PHF21B: variants seen among roughly 807,000 people sequenced by gnomAD.
PHF21B encodes PHD finger protein 4.
A neutral mutation model predicts 62.2 loss-of-function variants in PHF21B; 22 were observed. The ratio of observed to expected loss-of-function variants is 0.35; its 90% CI spans 0.25 to 0.51. The LOEUF is 0.51. PHF21B is among the 20% of genes least tolerant of loss of function. PHF21B has a pLI of 0.97. For synonymous variants in PHF21B, 341 were observed against 314.7 expected (o/e 1.08, Z -0.88); for missense variants, 701 against 707.9 (o/e 0.99, Z 0.11).
At chr22:44,959,002 C>A (rs1222587840) in intron 2 of PHF21B, among the ~76,000 whole-genome samples, 2 of 152,066 alleles carry the variant, frequency 1.3e-5, no homozygotes, top group East Asian at 1.9e-4. Flanking sequence ...GTTCCATGGC[C>A]GGCCCCGCTG....
chr22:44,884,918 T>C (rs932863023), intron 12 of PHF21B, among the ~76,000 whole-genome samples: 2 of 152,194 alleles, frequency 1.3e-5, no homozygotes, highest in African/African-American at 4.8e-5. Flanking sequence ...ACAACCATCA[T>C]CTTCATTATC....
At chr22:44,953,582 T>A (rs1468182936) in intron 2 of PHF21B, among the ~76,000 whole-genome samples, 3 of 152,206 alleles carry the variant, frequency 2.0e-5, no homozygotes, top group Non-Finnish European at 4.4e-5. Flanking sequence ...TCTGCTAATG[T>A]GTCTCAGTGG....
At chr22:44,920,518 G>C (rs777394023) in intron 2 of PHF21B, 28 bp from the exon 3 acceptor site, 1 of 1,568,562 alleles carries the variant, frequency 6.4e-7, no homozygotes, top group African/African-American at 1.4e-5. Flanking sequence ...GCAACGCTGA[G>C]ACAGGAGGAG....
At chr22:44,895,134 G>A (rs928546177) in intron 6 of PHF21B, among the ~76,000 whole-genome samples, 33 of 152,190 alleles carry the variant, frequency 2.2e-4, no homozygotes, top group Admixed American at 2.2e-3. Context: ...TGGGTGTGGT[G>A]GAATACGTTC....
chr22:44,907,110 C>T (rs2071265168), intron 5 of PHF21B, among the ~76,000 whole-genome samples: 1 of 152,200 alleles, frequency 6.6e-6, no homozygotes, highest in Non-Finnish European at 1.5e-5. Context: ...CAACCTCACC[C>T]TTACTGTGAG....
rs376848423 is a variant in PHF21B at position 44,886,092 on chromosome 22, G to A, written c.1198-154C>T. ...GAGCTGGGGCCGCACATGCCTCATGGCCCAGCTCACAGGGGCTACACAGCT... is the reference window on the plus strand; with the variant it reads ...GAGCTGGGGCCGCACATGCCTCATGACCCAGCTCACAGGGGCTACACAGCT... On this transcript the variant is annotated intron_variant, in intron 10 of 12. Transcript: ENST00000313237. Among the ~76,000 whole-genome samples, 217 of 152,200 alleles carry A rather than the reference G, an allele frequency of 1.4e-3. 2 individuals are homozygous for A. The highest frequency in any genetic ancestry group is 8.3e-3 in the East Asian group (43 of 5,158).
At chr22:44,940,031 G>C (rs973874531) in intron 2 of PHF21B, among the ~76,000 whole-genome samples, 4 of 152,204 alleles carry the variant, frequency 2.6e-5, no homozygotes, top group Non-Finnish European at 5.9e-5. Flanking sequence ...CCAGGGGCCA[G>C]TGGGGTGGGG....
At chr22:44,964,773 G>A (rs1381215054) in intron 2 of PHF21B, among the ~76,000 whole-genome samples, 3 of 152,100 alleles carry the variant, frequency 2.0e-5, no homozygotes, top group Non-Finnish European at 4.4e-5. Flanking sequence ...TCCATCCCCA[G>A]TCTCGGGCCC....
intron 5 of PHF21B, among the ~76,000 whole-genome samples, chr22:44,907,571 T>C (rs1463093179): frequency 2.0e-5 from 3 of 152,198 alleles, no homozygotes; most frequent in Non-Finnish European, 4.4e-5. Context: ...GATAAGCAAG[T>C]GTCCTTAGGG....
At chr22:44,933,734 G>GACAGACAGAC (rs10666558) in intron 2 of PHF21B, among the ~76,000 whole-genome samples, 2 of 148,884 alleles carry the variant, frequency 1.3e-5, no homozygotes, top group Non-Finnish European at 3.0e-5. Flanking sequence ...GAGAGAGAGA[G>GACAGACAGAC]AGACAGACAG....
At position 44,920,332 on chromosome 22, in the gene PHF21B, G is replaced by A. The variant is rs1014068432; in HGVS notation, c.213+66C>T. 8 of 1,356,808 alleles carry A rather than the reference G, an allele frequency of 5.9e-6. 1 individual carries two copies. The African/African-American group carries it at 8.7e-5, about 15-fold the overall frequency. 84.0% of individuals were successfully genotyped at this position (1,356,808 alleles called of 1,614,324 possible). A position where few individuals can be genotyped will look rare whatever the true frequency, so the allele number is the denominator to read the frequency against. The stretch of plus-strand genomic sequence containing the variant: ...CCCACCAGAAACCTCAGTGCTGAGG[G>A]GTTAGGAACAGAGACTGCGGGGACA... On this transcript the variant is annotated intron_variant, in intron 3 of 12. Coordinates refer to ENST00000313237, the MANE Select transcript of PHF21B (RefSeq NM_138415.5).
At chr22:44,920,540 G>A (rs773140332) in intron 2 of PHF21B, 50 bp from the exon 3 acceptor site, 34 of 1,448,346 alleles carry the variant, frequency 2.3e-5, no homozygotes, top group East Asian at 5.1e-5. Context: ...AGCTGAGACC[G>A]AATCCGTTGC....
At chr22:44,958,537 A>G (rs1219962607) in intron 2 of PHF21B, among the ~76,000 whole-genome samples, 5 of 148,242 alleles carry the variant, frequency 3.4e-5, no homozygotes, top group Admixed American at 2.7e-4. Context: ...GTCCCATTCC[A>G]TTAGCGTCCT....
chr22:44,884,440 CCACCACCATCACGGTGATGAGCACCAT>C (rs1327764009), intron 12 of PHF21B, among the ~76,000 whole-genome samples: 1 of 124,492 alleles, frequency 8.0e-6, no homozygotes, highest in Non-Finnish European at 1.7e-5. Context: ...ATTATCACCA[CCACCACCATCACGGTGATGAGCACCAT>C]CACCACCATC....
intron 2 of PHF21B, among the ~76,000 whole-genome samples, chr22:44,999,074 G>GGCCCAATCGGA (rs1485121099): frequency 6.6e-6 from 1 of 152,138 alleles, no homozygotes; most frequent in Non-Finnish European, 1.5e-5. Flanking sequence ...CGTATAGTAC[G>GGCCCAATCGGA]GCCCAATCGG....
At chr22:44,938,401 T>C (rs577586836) in intron 2 of PHF21B, among the ~76,000 whole-genome samples, 1 of 152,370 alleles carries the variant, frequency 6.6e-6, no homozygotes, top group South Asian at 2.1e-4. Context: ...GCATGGTTGA[T>C]TTTTGTATTT....
intron 2 of PHF21B, among the ~76,000 whole-genome samples, chr22:44,973,352 A>C (rs1193925903): frequency 6.6e-6 from 1 of 152,228 alleles, no homozygotes; most frequent in African/African-American, 2.4e-5. Context: ...GAAAAAAGTT[A>C]AGCAAACTGA....
At chr22:44,914,128 A>C in intron 4 of PHF21B, 40 bp from the exon 5 acceptor site, 1 of 304,008 alleles carries the variant, frequency 3.3e-6, no homozygotes, top group Non-Finnish European at 5.7e-6. Flanking sequence ...GGAAGGGAAG[A>C]GTGAGGGGGG....
intron 2 of PHF21B, among the ~76,000 whole-genome samples, chr22:44,972,341 G>C (rs573701551): frequency 6.6e-6 from 1 of 152,200 alleles, no homozygotes; most frequent in Non-Finnish European, 1.5e-5. Context: ...TGACGGATTT[G>C]GGCATTTCGG....
Sources: allele counts gnomAD v4.1 joint callset (sites outside exome capture counted in the v4.1 genomes callset), GRCh38; gene constraint gnomAD v4.1.1; transcripts MANE v1.5; gene names NCBI Gene and HGNC (gene_info 2026-07-23, HGNC 2026-07-21).